The following GRIK1 variants were observed in gnomAD, a reference collection of about 807,000 sequenced individuals.
GRIK1 encodes the protein glutamate receptor ionotropic, kainate 1.
GRIK1 carries 69 observed loss-of-function variants against 105.7 expected under a neutral mutation model. The observed-to-expected ratio is 0.65, with a 90% confidence interval of 0.54 to 0.80. The LOEUF (loss-of-function observed/expected upper bound fraction) is 0.80, where lower values mean the gene tolerates loss of function less well. GRIK1 is among the 30% of genes least tolerant of loss of function. The pLI is 0.00. For missense variants in GRIK1, 1,109 were observed against 1,167.3 expected (o/e 0.95, Z 0.73); for synonymous variants, 438 against 431.3 (o/e 1.02, Z -0.19).
At chr21:29,542,428 C>T (rs2089986881) in intron 16 of GRIK1, among the ~76,000 whole-genome samples, 1 of 151,928 alleles carries the variant, frequency 6.6e-6, no homozygotes, top group Admixed American at 6.6e-5. Flanking sequence ...CAAATGTTGC[C>T]CTGGATGGGG....
chr21:29,790,251 GT>G (rs2066376112), intron 1 of GRIK1, among the ~76,000 whole-genome samples: 1 of 152,080 alleles, frequency 6.6e-6, no homozygotes, highest in African/African-American at 2.4e-5. Flanking sequence ...GTTTCACCAT[GT>G]TGGCCAGGAT....
intron 1 of GRIK1, among the ~76,000 whole-genome samples, chr21:29,794,122 A>G (rs1030273605): frequency 2.0e-5 from 3 of 152,196 alleles, no homozygotes; most frequent in African/African-American, 7.2e-5. Context: ...TAGTCATTTA[A>G]TTTTACCAAA....
At chr21:29,561,548 A>C (rs2090479291) in intron 15 of GRIK1, 76 bp downstream of exon 15, 1 of 920,556 alleles carries the variant, frequency 1.1e-6, no homozygotes, top group East Asian at 2.4e-5. Context: ...GGAATAAAGA[A>C]CTCTGAGCCC....
chr21:29,777,192 C>T lies in GRIK1; in HGVS notation c.119-83129G>A, dbSNP rs1020735789. 3.3e-5 allele frequency among the ~76,000 whole-genome samples: 5 copies of T among 152,138 alleles called. No individual in the cohort carries two copies. The South Asian group carries it at 6.2e-4, about 19-fold the overall frequency. On this transcript the variant is annotated intron_variant, in intron 1 of 17. Coordinates refer to ENST00000327783, the MANE Select transcript of GRIK1 (RefSeq NM_001330994.2). Reference sequence around the variant, plus strand: ...TGAGGTGTCAGTACTGGGTGACTCTCGTGAGGATTGGGGTTCACCTAGAGG... The same window carrying T: ...TGAGGTGTCAGTACTGGGTGACTCTTGTGAGGATTGGGGTTCACCTAGAGG...
intron 1 of GRIK1, among the ~76,000 whole-genome samples, chr21:29,718,909 G>A (rs1031193241): frequency 3.3e-5 from 5 of 152,058 alleles, no homozygotes; most frequent in African/African-American, 1.2e-4. Flanking sequence ...TTGTGAAACT[G>A]TTTCTTTAAA....
chr21:29,850,202 T>C (rs558742700), intron 1 of GRIK1, among the ~76,000 whole-genome samples: 49 of 152,314 alleles, frequency 3.2e-4, no homozygotes, highest in African/African-American at 1.1e-3. Flanking sequence ...CTCTTTTTCA[T>C]AAACAAAATC....
At position 29,610,735 on chromosome 21, in the gene GRIK1, G is replaced by A. The variant is rs150634135; in HGVS notation, c.1099-11798C>T. 1.1e-3 allele frequency among the ~76,000 whole-genome samples: 166 copies of A among 152,118 alleles called. 1 individual carries two copies. The highest frequency in any genetic ancestry group is 3.9e-3 in the African/African-American group (160 of 41,496). On this transcript the variant is annotated intron_variant, in intron 7 of 17. Coordinates refer to ENST00000327783, the MANE Select transcript of GRIK1 (RefSeq NM_001330994.2). Reference sequence around the variant, plus strand: ...GTTGCTTTGAACGACAATGCTTGTGGTAATTCACCTAAAAAGCAATAGGAA... The same window carrying A: ...GTTGCTTTGAACGACAATGCTTGTGATAATTCACCTAAAAAGCAATAGGAA...
chr21:29,732,938 G>A (rs147726480), intron 1 of GRIK1, among the ~76,000 whole-genome samples: 40 of 152,212 alleles, frequency 2.6e-4, no homozygotes, highest in African/African-American at 9.4e-4. Context: ...AAAATGCCAC[G>A]GAAAATGGTA....
chr21:29,710,761 CTCCG>C lies in GRIK1; in HGVS notation c.119-16702_119-16699del, dbSNP rs1475122112. Among the ~76,000 whole-genome samples the C allele has an allele frequency of 1.9e-4, 27 of 139,938 alleles. No homozygotes were observed. The South Asian group carries it at 3.7e-3, about 19-fold the overall frequency. 91.8% of individuals were successfully genotyped at this position (139,938 alleles called of 152,430 possible). ...TATTTCAACTTTTGCCTTTCCCTCC[CTCCG>C]TCCGTCCCTCCCTCCCTCCCTCCCT... On this transcript the variant is annotated intron_variant, in intron 1 of 17. Transcript: ENST00000327783.
At chr21:29,651,035 C>T in intron 6 of GRIK1, 83 bp downstream of exon 6, 2 of 1,030,886 alleles carry the variant, frequency 1.9e-6, no homozygotes, top group Non-Finnish European at 1.4e-6. Flanking sequence ...ACACTTTTCT[C>T]TAATATTTTA....
chr21:29,642,727 G>T, intron 7 of GRIK1, 99 bp downstream of exon 7: 2 of 1,008,560 alleles, frequency 2.0e-6, no homozygotes, highest in South Asian at 3.0e-5. Context: ...CTCTCTTAGG[G>T]GCATCATGCC....
rs573381897 is a variant in GRIK1, at chr21:29,827,392, G to T, written c.118+111991C>A. ...TTTCATAATATTTTTAAATGCTCAG[G>T]CCATGATGAGTCAACGGCAAGTCAT... On this transcript the variant is annotated intron_variant, in intron 1 of 17. Transcript: ENST00000327783. Among the ~76,000 whole-genome samples, 41 of 152,138 alleles carry T rather than the reference G, an allele frequency of 2.7e-4. 1 individual carries two copies. The South Asian group carries it at 8.1e-3, about 30-fold the overall frequency.
At chr21:29,869,179 AC>A (rs1455964849) in intron 1 of GRIK1, among the ~76,000 whole-genome samples, 1 of 152,198 alleles carries the variant, frequency 6.6e-6, no homozygotes, top group African/African-American at 2.4e-5. Context: ...TCCTGAGTCC[AC>A]TAAAGTTTCT....
chr21:29,766,503 A>G (rs1242635537), intron 1 of GRIK1, among the ~76,000 whole-genome samples: 1 of 152,164 alleles, frequency 6.6e-6, no homozygotes, highest in African/African-American at 2.4e-5. Flanking sequence ...GCCAGAAAAT[A>G]CATAAGACCT....
chr21:29,614,548 G>C (rs1206545443), intron 7 of GRIK1, among the ~76,000 whole-genome samples: 1 of 150,660 alleles, frequency 6.6e-6, no homozygotes, highest in African/African-American at 2.5e-5. Flanking sequence ...CAAGTAGCTG[G>C]GGTTACGGGC....
chr21:29,922,881 A>C (rs1281495757), intron 1 of GRIK1, among the ~76,000 whole-genome samples: 1 of 152,180 alleles, frequency 6.6e-6, no homozygotes, highest in East Asian at 1.9e-4. Context: ...CCTCAGGAAG[A>C]ATCTCAGATG....
chr21:29,570,983 T>C (rs1233260092), intron 14 of GRIK1, among the ~76,000 whole-genome samples: 1 of 152,138 alleles, frequency 6.6e-6, no homozygotes, highest in Non-Finnish European at 1.5e-5. Flanking sequence ...TGTTGCTCCA[T>C]ATATGAATGA....
intron 1 of GRIK1, among the ~76,000 whole-genome samples, chr21:29,828,567 T>A (rs915758316): frequency 6.6e-6 from 1 of 152,064 alleles, no homozygotes; most frequent in Non-Finnish European, 1.5e-5. Context: ...AGTGGCAGGA[T>A]CTTGGTTTAT....
intron 9 of GRIK1, chr21:29,595,898 G>T (rs1340543734): frequency 6.2e-6 from 1 of 160,576 alleles, no homozygotes; most frequent in East Asian, 1.8e-4. Flanking sequence ...AAAATAGTGG[G>T]TGTTATAATT....
Sources: gnomAD v4.1 joint callset for allele counts (sites outside exome capture counted in the v4.1 genomes callset) on GRCh38, gnomAD v4.1.1 for gene constraint, MANE v1.5 for transcripts, NCBI Gene and HGNC (gene_info 2026-07-23, HGNC 2026-07-21) for gene names.